Variants in RORA observed in about 807,000 individuals in gnomAD.
RORA encodes nuclear receptor ROR-alpha.
A neutral mutation model predicts 69.5 loss-of-function variants in RORA; 7 were observed. That is an observed-to-expected ratio of 0.10 (90% CI 0.06 to 0.19). RORA has a LOEUF of 0.19. Ranked by LOEUF, RORA falls within the 10% of genes least tolerant of loss-of-function variation. The probability of loss-of-function intolerance (pLI) is 1.00; values close to 1 mark genes in which losing one functional copy is unlikely to be tolerated. For synonymous variants in RORA, 261 were observed against 240.8 expected, an observed-to-expected ratio of 1.08 and a Z score of -0.78; for missense variants, 457 against 663.0, an observed-to-expected ratio of 0.69 and a Z score of 3.41.
intron 1 of RORA, among the ~76,000 whole-genome samples, chr15:61,060,770 C>T (rs1286960461): frequency 6.6e-6 from 1 of 152,156 alleles, no homozygotes; most frequent in Non-Finnish European, 1.5e-5. Flanking sequence ...CTTTCGGCTT[C>T]CCTGTACCCC....
chr15:61,199,311 G>C (rs1467203753), intron 1 of RORA, among the ~76,000 whole-genome samples: 1 of 152,060 alleles, frequency 6.6e-6, no homozygotes, highest in African/African-American at 2.4e-5. Flanking sequence ...TGGACTCCTG[G>C]AACAAAGCAG....
Position 61,195,046 on chromosome 15 carries a change from T to G in RORA, c.166+34007A>C, listed in dbSNP as rs181448801. Among the ~76,000 whole-genome samples the G allele has an allele frequency of 2.4e-4, 37 of 152,204 alleles. No individual in the cohort carries two copies. The East Asian group carries it at 6.4e-3, about 26-fold the overall frequency. On this transcript the variant is annotated intron_variant, in intron 1 of 10. Coordinates refer to ENST00000335670, the MANE Select transcript of RORA (RefSeq NM_134261.3). Reference sequence around the variant, plus strand: ...ATGTTGTTATTTCAACATCACCAATTATGATTTTTTTGTGACACAGTGATG... The same window carrying G: ...ATGTTGTTATTTCAACATCACCAATGATGATTTTTTTGTGACACAGTGATG...
At chr15:60,784,846 G>A (rs149050252) in intron 1 of RORA, among the ~76,000 whole-genome samples, 1 of 152,264 alleles carries the variant, frequency 6.6e-6, no homozygotes, top group Non-Finnish European at 1.5e-5. Context: ...CTGTGTCCTT[G>A]TGTGAAGGGT....
chr15:60,841,962 G>A (rs2073204499), intron 1 of RORA, among the ~76,000 whole-genome samples: 1 of 152,068 alleles, frequency 6.6e-6, no homozygotes, highest in African/African-American at 2.4e-5. Context: ...CCTTCCCCCA[G>A]GAGAGAGAAC....
At chr15:60,633,577 G>A (rs563973101) in intron 2 of RORA, among the ~76,000 whole-genome samples, 3 of 152,154 alleles carry the variant, frequency 2.0e-5, no homozygotes, top group Non-Finnish European at 2.9e-5. Context: ...AGGTAATTGA[G>A]CCTCCTGGTT....
chr15:61,095,562 A>G (rs2078776660), intron 1 of RORA, among the ~76,000 whole-genome samples: 1 of 152,232 alleles, frequency 6.6e-6, no homozygotes, highest in Non-Finnish European at 1.5e-5. Flanking sequence ...CCCTGGTGAC[A>G]AATGCTTTCT....
intron 1 of RORA, among the ~76,000 whole-genome samples, chr15:60,771,483 A>C (rs1049197506): frequency 1.3e-5 from 2 of 152,162 alleles, no homozygotes. Context: ...TTCTTTGTGC[A>C]CTTTGCAGTG....
At chr15:60,599,369 G>A (rs1341692353) in intron 2 of RORA, among the ~76,000 whole-genome samples, 1 of 152,162 alleles carries the variant, frequency 6.6e-6, no homozygotes, top group African/African-American at 2.4e-5. Flanking sequence ...TGGCCAACAT[G>A]GCGAAACCCC....
rs2065098823 is a variant in RORA, at chr15:60,493,877, A to G, written c.*3578T>C. On this transcript the variant is annotated 3_prime_UTR_variant, in exon 11 of 11. Coordinates refer to ENST00000335670, the MANE Select transcript of RORA (RefSeq NM_134261.3). ...TCTAGTTTTGATTTAAGTATTTTGAATACATTTTCTTTTCCATTGACACTT... is the reference window on the plus strand; with the variant it reads ...TCTAGTTTTGATTTAAGTATTTTGAGTACATTTTCTTTTCCATTGACACTT... 1 of 151,764 alleles carries G rather than the reference A, an allele frequency of 6.6e-6. No individual in the cohort carries two copies. Among genetic ancestry groups the G allele is most frequent in the South Asian group, 2.1e-4 (1 of 4,820 alleles). The allele number at this position is 151,764 out of a possible 1,614,324, so 9.4% of individuals were successfully genotyped here.
At chr15:60,659,683 A>G (rs1181026230) in intron 2 of RORA, among the ~76,000 whole-genome samples, 1 of 152,222 alleles carries the variant, frequency 6.6e-6, no homozygotes, top group Non-Finnish European at 1.5e-5. Flanking sequence ...ACCCAAAGTG[A>G]TCAAACCCCA....
chr15:61,117,218 A>T (rs915128899), intron 1 of RORA, among the ~76,000 whole-genome samples: 1 of 151,058 alleles, frequency 6.6e-6, no homozygotes, highest in Non-Finnish European at 1.5e-5. Context: ...TCAGCCAACA[A>T]ATCTGATTAA....
chr15:60,990,375 A>T (rs566212929), intron 1 of RORA, among the ~76,000 whole-genome samples: 1 of 152,302 alleles, frequency 6.6e-6, no homozygotes, highest in East Asian at 1.9e-4. Flanking sequence ...CAGCAACTCA[A>T]TTATTAAGAA....
intron 1 of RORA, among the ~76,000 whole-genome samples, chr15:60,924,068 A>T (rs1011573827): frequency 3.3e-5 from 5 of 152,156 alleles, no homozygotes; most frequent in African/African-American, 1.2e-4. Context: ...CAAGTGGGTG[A>T]AACTCACCTT....
At chr15:60,917,864 C>A (rs1054679957) in intron 1 of RORA, among the ~76,000 whole-genome samples, 1 of 152,216 alleles carries the variant, frequency 6.6e-6, no homozygotes, top group African/African-American at 2.4e-5. Context: ...GTTCAATCTG[C>A]CACCCTCAAG....
Position 61,119,090 on chromosome 15 carries a change from G to GC in RORA, c.166+109962_166+109963insG, listed in dbSNP as rs1481593532. On this transcript the variant is annotated intron_variant, in intron 1 of 10. Coordinates refer to ENST00000335670, the MANE Select transcript of RORA (RefSeq NM_134261.3). ...AGATGCAGTTAACAGAAGGGGGGGG[G>GC]GGGCGCCATGGAGCAGTCGTGTGAG... is the stretch of plus-strand genomic sequence containing the variant. 7.4e-5 allele frequency among the ~76,000 whole-genome samples: 11 copies of GC among 149,160 alleles called. No individual in the cohort carries two copies. In the East Asian group the frequency reaches 1.8e-3, roughly 25 times the overall value.
At chr15:60,954,119 AT>A (rs1346850065) in intron 1 of RORA, among the ~76,000 whole-genome samples, 1 of 147,554 alleles carries the variant, frequency 6.8e-6, no homozygotes, top group African/African-American at 2.5e-5. Flanking sequence ...GCCATAAAAA[AT>A]GATGAGTTCA....
intron 1 of RORA, among the ~76,000 whole-genome samples, chr15:61,224,903 C>G (rs903836711): frequency 6.6e-6 from 1 of 152,170 alleles, no homozygotes; most frequent in African/African-American, 2.4e-5. Flanking sequence ...GGCTTCAATG[C>G]AGGCTCCATA....
At chr15:61,134,515 G>A (rs1189456868) in intron 1 of RORA, among the ~76,000 whole-genome samples, 1 of 152,176 alleles carries the variant, frequency 6.6e-6, no homozygotes, top group East Asian at 1.9e-4. Flanking sequence ...AGGAACAGAG[G>A]AGGCACTCAA....
At chr15:60,705,285 G>A (rs2071045749) in intron 1 of RORA, among the ~76,000 whole-genome samples, 1 of 152,132 alleles carries the variant, frequency 6.6e-6, no homozygotes, top group South Asian at 2.1e-4. Context: ...TACACAATGT[G>A]GAAAATGAGG....
Sources: allele counts gnomAD v4.1 joint callset (sites outside exome capture counted in the v4.1 genomes callset), GRCh38; gene constraint gnomAD v4.1.1; transcripts MANE v1.5; gene names NCBI Gene and HGNC (gene_info 2026-07-23, HGNC 2026-07-21).